Variants in XPO6 observed in about 807,000 individuals in gnomAD.
XPO6 encodes exportin-6.
A neutral mutation model predicts 130.0 loss-of-function variants in XPO6; 3 were observed. The ratio of observed to expected loss-of-function variants is 0.02; its 90% CI spans 0.01 to 0.06. The LOEUF is 0.06. Among genes scored for constraint, XPO6 ranks in the 10% least tolerant of loss-of-function variants. The pLI, the probability that XPO6 is intolerant of heterozygous loss-of-function variation, is 1.00. For missense variants in XPO6, 970 were observed against 1,393.0 expected, an observed-to-expected ratio of 0.70 and a Z score of 4.83; for synonymous variants, 524 against 548.9, an observed-to-expected ratio of 0.95 and a Z score of 0.63.
In XPO6 at chr16:28,211,820, G is replaced by A. The variant is rs955185167; in HGVS notation, c.-452C>T. 9.2e-6 allele frequency: 2 copies of A among 217,848 alleles called. No homozygotes were observed. Among genetic ancestry groups the A allele is most frequent in the East Asian group, 1.0e-4 (1 of 9,910 alleles). The allele number at this position is 217,848 out of a possible 1,614,324, so 13.5% of individuals were successfully genotyped here. ...CCCAGGCGGCCGGCTCAGGGGAGAG[G>A]CCCGGGGGCCCGCGCTGTCCTCGCA... On this transcript the variant is annotated 5_prime_UTR_variant, in exon 1 of 24. Transcript: ENST00000304658.
At chr16:28,193,382 T>C (rs922661101) in intron 1 of XPO6, among the ~76,000 whole-genome samples, 2 of 152,128 alleles carry the variant, frequency 1.3e-5, no homozygotes, top group African/African-American at 4.8e-5. Flanking sequence ...AGGTTCTCAA[T>C]GCTCCTCCCA....
At position 28,166,511 on chromosome 16, in the gene XPO6, T is replaced by A. The variant is rs918418372; in HGVS notation, c.640A>T (p.Ser214Cys). Residue 214 changes from serine to cysteine, a missense_variant, in exon 6 of 24, where the codon AGT (serine) becomes TGT (cysteine). Physicochemically the swap from Ser to Cys is moderately radical, Grantham distance 112 (BLOSUM62 -1). This residue lies in a region of XPO6 where 936 missense variants were observed against 1,306.8 expected (regional missense o/e 0.72). Transcript: ENST00000304658. Reference protein sequence around the residue: ...TPPPSPTSGESGDLLSNLLQS... With the variant: ...TPPPSPTSGECGDLLSNLLQS... The stretch of plus-strand genomic sequence containing the variant: ...TTGGCTGGCAGGCAGACCATACCAC[T>A]TTCTCCTGAGGTCGGGGATGGTGGT... 1.4e-5 allele frequency: 22 copies of A among 1,585,662 alleles called. No homozygotes were observed. In the African/African-American group the frequency reaches 2.3e-4, roughly 16 times the overall value.
At chr16:28,104,350 C>T (rs2086724892) in intron 21 of XPO6, among the ~76,000 whole-genome samples, 196 bp downstream of exon 21, 1 of 152,240 alleles carries the variant, frequency 6.6e-6, no homozygotes, top group Non-Finnish European at 1.5e-5. Flanking sequence ...AACCTCACAA[C>T]AAACCTGTGA....
At chr16:28,168,051 C>T (rs571205310) in intron 5 of XPO6, among the ~76,000 whole-genome samples, 4 of 152,154 alleles carry the variant, frequency 2.6e-5, no homozygotes, top group African/African-American at 9.6e-5. Context: ...TACTAAAAGC[C>T]GGTCAATATT....
In XPO6 at chr16:28,132,221, G is replaced by A. The variant is rs370423560; in HGVS notation, c.1606+113C>T. 33 of 791,028 alleles carry A rather than the reference G, an allele frequency of 4.2e-5. No individual in the cohort carries two copies. The highest frequency in any genetic ancestry group is 3.9e-4 in the East Asian group (14 of 35,894). The allele number at this position is 791,028 out of a possible 1,614,324, so 49.0% of individuals were successfully genotyped here. A position where few individuals can be genotyped will look rare whatever the true frequency, so the allele number is the denominator to read the frequency against. On this transcript the variant is annotated intron_variant, in intron 12 of 23. Coordinates refer to ENST00000304658, the MANE Select transcript of XPO6 (RefSeq NM_015171.4). This position sits in a 1 kb window ranked among gnomAD's most constrained non-coding sequence, Gnocchi z 4.0. ...TTTCGAAGTGGGGAGAGATGCCAGTGGGGAGGCTGCAGTGAAGAAATCATG... is the reference window on the plus strand; with the variant it reads ...TTTCGAAGTGGGGAGAGATGCCAGTAGGGAGGCTGCAGTGAAGAAATCATG...
At chr16:28,098,739 G>T in intron 23 of XPO6, 100 bp from the exon 24 acceptor site, 1 of 807,340 alleles carries the variant, frequency 1.2e-6, no homozygotes, top group Non-Finnish European at 1.9e-6. Flanking sequence ...CTGAAGATAG[G>T]GGAGCACTTT....
chr16:28,187,551 G>T (rs899069950), intron 1 of XPO6, among the ~76,000 whole-genome samples: 1 of 151,574 alleles, frequency 6.6e-6, no homozygotes, highest in Non-Finnish European at 1.5e-5. Context: ...GTCATTCTGA[G>T]AATTAAATAA....
At chr16:28,195,587 T>TCC (rs2043846250) in intron 1 of XPO6, among the ~76,000 whole-genome samples, 1 of 152,082 alleles carries the variant, frequency 6.6e-6, no homozygotes, top group Non-Finnish European at 1.5e-5. Context: ...ACCTCGTCTT[T>TCC]ACTAAAAATA....
At chr16:28,210,365 G>T (rs913525532) in intron 1 of XPO6, among the ~76,000 whole-genome samples, 3 of 152,140 alleles carry the variant, frequency 2.0e-5, no homozygotes, top group Admixed American at 1.3e-4. Context: ...GGGTAAAATG[G>T]GTGAAACTGA....
intron 1 of XPO6, among the ~76,000 whole-genome samples, chr16:28,190,496 T>C (rs2043769358): frequency 6.6e-6 from 1 of 152,196 alleles, no homozygotes; most frequent in Non-Finnish European, 1.5e-5. Flanking sequence ...AGTGCTGGGA[T>C]TACAGGCCTG....
intron 1 of XPO6, among the ~76,000 whole-genome samples, chr16:28,195,570 T>A (rs1338781170): frequency 6.6e-6 from 1 of 152,106 alleles, no homozygotes; most frequent in African/African-American, 2.4e-5. Context: ...CTGGTCAACA[T>A]GGTGAAACCT....
intron 1 of XPO6, among the ~76,000 whole-genome samples, chr16:28,184,707 T>C (rs1340008356): frequency 1.3e-5 from 2 of 152,074 alleles, no homozygotes; most frequent in Non-Finnish European, 2.9e-5. Context: ...GCCTCATTAG[T>C]TATCAGGAAA....
intron 17 of XPO6, among the ~76,000 whole-genome samples, chr16:28,110,411 T>C (rs141548834): frequency 2.0e-5 from 3 of 152,248 alleles, no homozygotes; most frequent in Non-Finnish European, 4.4e-5. Flanking sequence ...CCTTCCAGAG[T>C]GAACACACTG....
chr16:28,202,694 T>C (rs1257620686), intron 1 of XPO6, among the ~76,000 whole-genome samples: 2 of 152,198 alleles, frequency 1.3e-5, no homozygotes, highest in Non-Finnish European at 2.9e-5. Flanking sequence ...GGATTTGGTT[T>C]AACACACATT....
chr16:28,198,606 C>T (rs2043905209), intron 1 of XPO6, among the ~76,000 whole-genome samples: 1 of 151,446 alleles, frequency 6.6e-6, no homozygotes, highest in East Asian at 1.9e-4. Flanking sequence ...GATTTTAAAA[C>T]CAGCCTGGGC....
chr16:28,168,014 G>A (rs890465312), intron 5 of XPO6, among the ~76,000 whole-genome samples: 21 of 152,076 alleles, frequency 1.4e-4, no homozygotes, highest in African/African-American at 4.1e-4. Context: ...ATTAGATAGC[G>A]GTGAAGGTTG....
chr16:28,147,458 A>C (rs1366292439), intron 8 of XPO6, among the ~76,000 whole-genome samples: 2 of 152,228 alleles, frequency 1.3e-5, no homozygotes, highest in Non-Finnish European at 2.9e-5. Context: ...AAAAAAGAAA[A>C]GAGTGTAACT....
chr16:28,121,816 A>G, intron 13 of XPO6, 54 bp from the exon 14 acceptor site: 2 of 1,218,482 alleles, frequency 1.6e-6, no homozygotes, highest in South Asian at 2.4e-5. Flanking sequence ...ACTAAGACAG[A>G]CAAAACAGAC....
chr16:28,146,245 C>T (rs746645385), intron 8 of XPO6, 42 bp from the exon 9 acceptor site: 2 of 1,357,108 alleles, frequency 1.5e-6, no homozygotes, highest in South Asian at 1.2e-5. Context: ...TTATTTAATG[C>T]TACTATTCCT....
Sources: gnomAD v4.1 joint callset for allele counts (sites outside exome capture counted in the v4.1 genomes callset) on GRCh38, gnomAD v4.1.1 for gene constraint, gnomAD v4.1.1 regional missense constraint, Gnocchi (gnomAD v3.1) non-coding constraint, MANE v1.5 for transcripts, NCBI Gene and HGNC (gene_info 2026-07-23, HGNC 2026-07-21) for gene names.